The following SLC25A26 variants were observed in gnomAD, a reference collection of about 807,000 sequenced individuals.
The protein encoded by SLC25A26 is mitochondrial S-adenosylmethionine carrier protein.
In SLC25A26, 36 loss-of-function variants were observed where a neutral mutation model predicts 37.8. That is an observed-to-expected ratio of 0.95 (90% CI 0.73 to 1.26). The LOEUF (loss-of-function observed/expected upper bound fraction) is 1.26. SLC25A26 is among the 50% of genes most tolerant of loss of function. The pLI, the probability that SLC25A26 is intolerant of heterozygous loss-of-function variation, is 0.00. For missense variants in SLC25A26, 390 were observed against 331.1 expected (o/e 1.18, Z -1.38); for synonymous variants, 129 against 122.5 (o/e 1.05, Z -0.35).
At chr3:66,297,734 G>A (rs1319963726) in intron 5 of SLC25A26, among the ~76,000 whole-genome samples, 1 of 152,154 alleles carries the variant, frequency 6.6e-6, no homozygotes, top group East Asian at 1.9e-4. Context: ...CACAACAGTG[G>A]CAGAGTTGAG....
intron 5 of SLC25A26, among the ~76,000 whole-genome samples, chr3:66,329,880 A>G (rs989072687): frequency 2.6e-5 from 4 of 152,196 alleles, no homozygotes; most frequent in African/African-American, 9.7e-5. Flanking sequence ...TGATGTAGGT[A>G]GAGATTATAA....
intron 5 of SLC25A26, among the ~76,000 whole-genome samples, chr3:66,313,028 C>A (rs2075427667): frequency 6.6e-6 from 1 of 152,070 alleles, no homozygotes; most frequent in South Asian, 2.1e-4. Flanking sequence ...GGATACTAGA[C>A]CTTTGTCAGA....
intron 5 of SLC25A26, among the ~76,000 whole-genome samples, chr3:66,274,512 G>A (rs995409355): frequency 6.6e-6 from 1 of 152,098 alleles, no homozygotes; most frequent in African/African-American, 2.4e-5. Flanking sequence ...CTGACAAAGG[G>A]CTAATATCCG....
At chr3:66,173,228 C>T (rs1236208616) in intron 1 of SLC25A26, among the ~76,000 whole-genome samples, 1 of 152,118 alleles carries the variant, frequency 6.6e-6, no homozygotes. Context: ...GTCACCAACC[C>T]GATGCCTGTC....
At chr3:66,286,224 C>G (rs1249409944) in intron 5 of SLC25A26, among the ~76,000 whole-genome samples, 1 of 151,990 alleles carries the variant, frequency 6.6e-6, no homozygotes, top group African/African-American at 2.4e-5. Flanking sequence ...TTCATTTTTT[C>G]TTTTATGAAT....
In SLC25A26 at chr3:66,263,329, C is replaced by T; in HGVS notation, c.406-3C>T. 2 of 1,611,146 alleles carry T rather than the reference C, an allele frequency of 1.2e-6. No homozygotes were observed. Among genetic ancestry groups the T allele is most frequent in the Non-Finnish European group, 1.7e-6 (2 of 1,178,018 alleles). ...TGAACTCTCGGCTGTGTGTTTGTTT[C>T]AGGGTATCCAAGGGTTGTATCGAGG... On this transcript the variant is annotated splice_polypyrimidine_tract_variant and splice_region_variant and intron_variant, in intron 4 of 9. Transcript: ENST00000354883.
At chr3:66,254,748 TTA>T (rs2073234341) in intron 3 of SLC25A26, among the ~76,000 whole-genome samples, 1 of 152,240 alleles carries the variant, frequency 6.6e-6, no homozygotes, top group Non-Finnish European at 1.5e-5. Context: ...TCAGATTGAT[TTA>T]TATATAAAAT....
At chr3:66,275,088 A>C (rs1308354825) in intron 5 of SLC25A26, among the ~76,000 whole-genome samples, 200 of 152,086 alleles carry the variant, frequency 1.3e-3, no homozygotes, top group African/African-American at 3.9e-3. Context: ...ATGATGAGTT[A>C]ATGTCCTTTG....
chr3:66,199,952 C>T (rs2071088483), intron 1 of SLC25A26, among the ~76,000 whole-genome samples: 1 of 152,194 alleles, frequency 6.6e-6, no homozygotes, highest in African/African-American at 2.4e-5. Flanking sequence ...ATGATCTATG[C>T]ACACACATTC....
chr3:66,274,220 C>G (rs1559642927), intron 5 of SLC25A26, among the ~76,000 whole-genome samples: 1 of 151,910 alleles, frequency 6.6e-6, no homozygotes, highest in Non-Finnish European at 1.5e-5. Context: ...AAACTGGATC[C>G]CTTCCTTACA....
intron 1 of SLC25A26, among the ~76,000 whole-genome samples, chr3:66,174,634 A>G (rs1372450078): frequency 6.6e-6 from 1 of 151,834 alleles, no homozygotes; most frequent in African/African-American, 2.4e-5. Context: ...AACACAGAAA[A>G]AATTAGCTGG....
At chr3:66,365,755 T>C (rs932124592) in intron 7 of SLC25A26, among the ~76,000 whole-genome samples, 8 of 152,194 alleles carry the variant, frequency 5.3e-5, no homozygotes, top group African/African-American at 1.9e-4. Flanking sequence ...AAAAACACTT[T>C]CCTTCTTGTT....
intron 1 of SLC25A26, among the ~76,000 whole-genome samples, chr3:66,231,026 T>C (rs1303647394): frequency 6.6e-6 from 1 of 151,900 alleles, no homozygotes; most frequent in Non-Finnish European, 1.5e-5. Context: ...AATATAAAAA[T>C]TAGCCAGTCA....
chr3:66,237,020 A>G (rs911717272), intron 2 of SLC25A26, among the ~76,000 whole-genome samples: 2 of 152,088 alleles, frequency 1.3e-5, no homozygotes, highest in Non-Finnish European at 2.9e-5. Context: ...TACTTTTTGT[A>G]GAGAATGGGT....
chr3:66,269,612 G>A (rs770222760), intron 5 of SLC25A26, among the ~76,000 whole-genome samples: 2 of 152,156 alleles, frequency 1.3e-5, no homozygotes, highest in Non-Finnish European at 2.9e-5. Context: ...CCAGTTGGAT[G>A]TTTTCCACTG....
intron 6 of SLC25A26, among the ~76,000 whole-genome samples, chr3:66,362,371 A>G (rs1375933250): frequency 2.0e-5 from 3 of 152,234 alleles, no homozygotes; most frequent in Admixed American, 6.5e-5. Flanking sequence ...GCAACTGTTG[A>G]TATCTGCATG....
At chr3:66,170,809 T>G (rs1265564700) in intron 1 of SLC25A26, among the ~76,000 whole-genome samples, 27 of 132,516 alleles carry the variant, frequency 2.0e-4, no homozygotes, top group African/African-American at 7.5e-4. Flanking sequence ...TTTTTTTTTT[T>G]TTTTTTTTTT....
chr3:66,161,604 A>C (rs2070361079), intron 1 of SLC25A26, among the ~76,000 whole-genome samples: 1 of 152,216 alleles, frequency 6.6e-6, no homozygotes, highest in African/African-American at 2.4e-5. Context: ...GTTCAGGTAA[A>C]CTAGGAAAAT....
At chr3:66,206,894 C>A (rs1467293674) in intron 1 of SLC25A26, among the ~76,000 whole-genome samples, 5 of 124,578 alleles carry the variant, frequency 4.0e-5, no homozygotes, top group African/African-American at 1.5e-4. Context: ...TTCTTTCTTT[C>A]TTTTTTTTTT....
Sources: allele counts gnomAD v4.1 joint callset (sites outside exome capture counted in the v4.1 genomes callset), GRCh38; gene constraint gnomAD v4.1.1; transcripts MANE v1.5; gene names NCBI Gene and HGNC (gene_info 2026-07-23, HGNC 2026-07-21).